SLC35A1: variants seen among roughly 807,000 people sequenced by gnomAD.
SLC35A1 encodes CMP-sialic acid transporter.
Under a neutral mutation model 40.3 loss-of-function variants are expected in SLC35A1, and 21 were observed. That is an observed-to-expected ratio of 0.52 (90% confidence interval 0.37 to 0.75). The LOEUF is 0.75. Among genes scored for constraint, SLC35A1 ranks in the 30% least tolerant of loss-of-function variants. SLC35A1 has a pLI of 0.00. For synonymous variants in SLC35A1, 146 were observed against 147.3 expected, an observed-to-expected ratio of 0.99 and a Z score of 0.06; for missense variants, 297 against 382.1, an observed-to-expected ratio of 0.78 and a Z score of 1.86.
chr6:87,505,225 CTTAT>C (rs1406238369), intron 4 of SLC35A1, among the ~76,000 whole-genome samples: 1 of 152,094 alleles, frequency 6.6e-6, no homozygotes. Context: ...TTATATCAGG[CTTAT>C]TTATTTTGAA....
intron 2 of SLC35A1, among the ~76,000 whole-genome samples, chr6:87,487,501 A>C (rs1769422306): frequency 6.6e-6 from 1 of 152,150 alleles, no homozygotes; most frequent in Non-Finnish European, 1.5e-5. Context: ...TGTGTGCTTC[A>C]ATCTAAAGAC....
At chr6:87,511,357 A>G in intron 7 of SLC35A1, 42 bp from the exon 8 acceptor site, 1 of 1,609,336 alleles carries the variant, frequency 6.2e-7, no homozygotes, top group Non-Finnish European at 8.5e-7. Context: ...GGCATTTTAA[A>G]GACACACATA....
rs1228161789 is a variant in SLC35A1 at position 87,506,423 on chromosome 6, T to A, written c.549T>A (p.Ile183=). 7 of 1,613,650 alleles carry A rather than the reference T, an allele frequency of 4.3e-6. No homozygotes were observed. The highest frequency in any genetic ancestry group is 5.9e-6 in the Non-Finnish European group (7 of 1,179,718). ...NPLLGFGAIA[I]AVLCSGFAGV... is the part of the protein sequence containing the mutation. ...TATTAGGGTTTGGCGCTATAGCTAT[T>A]GCTGTATTGTGCTCAGGATTTGCAG... The change falls in exon 5 of 8, where the codon ATT becomes ATA. Residue 183 remains isoleucine (I), a synonymous_variant. Coordinates refer to ENST00000369552, the MANE Select transcript of SLC35A1 (RefSeq NM_006416.5).
chr6:87,491,123 A>T (rs1222663784), intron 2 of SLC35A1, among the ~76,000 whole-genome samples: 1 of 152,230 alleles, frequency 6.6e-6, no homozygotes, highest in African/African-American at 2.4e-5. Context: ...GCTTGGGACC[A>T]GAAGTGTTTC....
In SLC35A1 at chr6:87,500,611, G is replaced by A; in HGVS notation, c.298G>A (p.Val100Ile). ...KLSVPSLVYA[V>I]QNNMAFLALS... ...AAGTGTGCCATCGTTAGTGTATGCT[G>A]TTCAGAACAACATGGCTTTCCTAGC... Residue 100 changes from valine (V) to isoleucine (I), a missense_variant, in exon 3 of 8, where the codon GTT (valine) becomes ATT (isoleucine). By Grantham distance (29) the Val-to-Ile change is conservative. Transcript: ENST00000369552. 1 of 1,614,166 alleles carries A rather than the reference G, an allele frequency of 6.2e-7. No homozygotes were observed. Among genetic ancestry groups the A allele is most frequent in the Non-Finnish European group, 8.5e-7 (1 of 1,180,034 alleles).
At chr6:87,503,879 C>CTT (rs1339971570) in intron 4 of SLC35A1, among the ~76,000 whole-genome samples, 4 of 152,138 alleles carry the variant, frequency 2.6e-5, no homozygotes, top group Non-Finnish European at 4.4e-5. Flanking sequence ...GACCATTAAG[C>CTT]TTTTTAAGTA....
chr6:87,512,020 C>G lies in SLC35A1; in HGVS notation c.*494C>G, dbSNP rs1034166789. 3.1e-5 allele frequency: 5 copies of G among 158,894 alleles called. No homozygotes were observed. The highest frequency in any genetic ancestry group is 6.4e-5 in the Non-Finnish European group (5 of 78,028). 9.8% of individuals were successfully genotyped at this position (158,894 alleles called of 1,614,324 possible). On this transcript the variant is annotated 3_prime_UTR_variant, in exon 8 of 8. Transcript: ENST00000369552. ...GCTCTTTTCTTACAAGAGGCAGAAA[C>G]AAGACAGGCTAGTTCATAAACAAAC...
At chr6:87,499,253 C>A in intron 2 of SLC35A1, 1 of 294,208 alleles carries the variant, frequency 3.4e-6, no homozygotes, top group Non-Finnish European at 5.1e-6. Flanking sequence ...AAAAATTCAA[C>A]TCACAACTGT....
intron 6 of SLC35A1, 63 bp downstream of exon 6, chr6:87,508,659 C>G: frequency 8.0e-7 from 1 of 1,242,242 alleles, no homozygotes; most frequent in Non-Finnish European, 1.2e-6. Flanking sequence ...GTTAGATGTC[C>G]ATTTTAAGCT....
At chr6:87,491,764 C>T (rs1461563840) in intron 2 of SLC35A1, among the ~76,000 whole-genome samples, 4 of 152,046 alleles carry the variant, frequency 2.6e-5, no homozygotes, top group South Asian at 2.1e-4. Context: ...CCTAGTTTGC[C>T]GACTGCTGCC....
chr6:87,500,301 C>T (rs561351279), intron 2 of SLC35A1, among the ~76,000 whole-genome samples: 158 of 152,128 alleles, frequency 1.0e-3, no homozygotes, highest in Non-Finnish European at 1.9e-3. Context: ...TAGTTGTTGT[C>T]ATATTTTCCC....
intron 2 of SLC35A1, among the ~76,000 whole-genome samples, chr6:87,484,179 G>A (rs908879787): frequency 1.3e-5 from 2 of 152,102 alleles, no homozygotes; most frequent in South Asian, 2.1e-4. Context: ...CTGAGAGCTC[G>A]GGTTATTCCT....
At chr6:87,490,005 G>A (rs1769499249) in intron 2 of SLC35A1, among the ~76,000 whole-genome samples, 1 of 151,986 alleles carries the variant, frequency 6.6e-6, no homozygotes, top group South Asian at 2.1e-4. Context: ...GAGGTGGGTG[G>A]ATTGCTTGAG....
intron 7 of SLC35A1, among the ~76,000 whole-genome samples, chr6:87,510,025 A>T (rs1395333588): frequency 6.6e-6 from 1 of 152,244 alleles, no homozygotes; most frequent in Non-Finnish European, 1.5e-5. Context: ...GAAATTTTAG[A>T]AAACCATGTA....
intron 1 of SLC35A1, among the ~76,000 whole-genome samples, chr6:87,476,444 G>T (rs1769072371): frequency 6.6e-6 from 1 of 152,176 alleles, no homozygotes; most frequent in Admixed American, 6.5e-5. Context: ...ATGTGCTGGG[G>T]CCAGGCGTGG....
intron 4 of SLC35A1, among the ~76,000 whole-genome samples, chr6:87,502,835 CT>C (rs1213752539): frequency 6.6e-6 from 1 of 152,190 alleles, no homozygotes; most frequent in Non-Finnish European, 1.5e-5. Context: ...TCTGTCTGCA[CT>C]GCCATGCACT....
chr6:87,494,832 C>A (rs976336739), intron 2 of SLC35A1, among the ~76,000 whole-genome samples: 2 of 152,146 alleles, frequency 1.3e-5, no homozygotes, highest in Non-Finnish European at 2.9e-5. Flanking sequence ...TGCTGCAATT[C>A]ACGGGAAAAT....
At position 87,508,417 on chromosome 6, in the gene SLC35A1, C is replaced by G; in HGVS notation, c.575-3C>G. On this transcript the variant is annotated splice_region_variant and splice_polypyrimidine_tract_variant and intron_variant, in intron 5 of 7. Coordinates refer to ENST00000369552, the MANE Select transcript of SLC35A1 (RefSeq NM_006416.5). ...AATATTTGCATGTCTAATTTTCTTT[C>G]AGGAGTATATTTTGAAAAAGTTTTA... 6.3e-7 allele frequency: 1 copy of G among 1,580,228 alleles called. No individual in the cohort carries two copies. The highest frequency in any genetic ancestry group is 8.7e-7 in the Non-Finnish European group (1 of 1,151,872).
chr6:87,483,409 G>C (rs894925626), intron 2 of SLC35A1, among the ~76,000 whole-genome samples: 1 of 151,950 alleles, frequency 6.6e-6, no homozygotes, highest in African/African-American at 2.4e-5. Context: ...CTTACTACTG[G>C]AGGTTTCTGT....
Sources: gnomAD v4.1 joint callset for allele counts (sites outside exome capture counted in the v4.1 genomes callset) on GRCh38, gnomAD v4.1.1 for gene constraint, MANE v1.5 for transcripts, NCBI Gene and HGNC (gene_info 2026-07-23, HGNC 2026-07-21) for gene names.